NAPRT: variants seen among roughly 807,000 people sequenced by gnomAD.
The protein encoded by NAPRT is nicotinate phosphoribosyltransferase, also known as FHA-HIT-interacting protein.
A neutral mutation model predicts 60.7 loss-of-function variants in NAPRT; 66 were observed. That is an observed-to-expected ratio of 1.09 (90% confidence interval 0.89 to 1.33). NAPRT has a LOEUF of 1.33. NAPRT is among the 40% of genes most tolerant of loss of function. NAPRT has a pLI of 0.00. For missense variants in NAPRT, 818 were observed against 731.5 expected (o/e 1.12, Z -1.36); for synonymous variants, 405 against 335.7 (o/e 1.21, Z -2.26).
In NAPRT at chr8:143,577,048, G is replaced by C. The variant is rs769584888; in HGVS notation, c.684+14C>G. 2 of 1,610,708 alleles carry C rather than the reference G, an allele frequency of 1.2e-6. No individual in the cohort carries two copies. The highest frequency in any genetic ancestry group is 4.5e-5 in the East Asian group (2 of 44,856). ...TGTCGCCTGGAGACAGCAGGGTTTA[G>C]AGGAGGGACTGACCGGGTCAGGGGG... On this transcript the variant is annotated intron_variant, in intron 5 of 12. Transcript: ENST00000449291.
In NAPRT at chr8:143,576,291, G is replaced by A. The variant is rs111536910; in HGVS notation, c.1023-129C>T. The A allele has an allele frequency of 2.7e-3, 3,725 of 1,380,442 alleles. 81 individuals carry two copies. The African/African-American group carries it at 0.047, about 18-fold the overall frequency. The allele number at this position is 1,380,442 out of a possible 1,614,324, so 85.5% of individuals were successfully genotyped here. A position where few individuals can be genotyped will look rare whatever the true frequency, so the allele number is the denominator to read the frequency against. ...CTCACCTTCTGCTTGGGAGCTCCTA[G>A]GGAGCCCCACCACTTACTTCCCTGC... On this transcript the variant is annotated intron_variant, in intron 7 of 12. Transcript: ENST00000449291.
At chr8:143,572,987 T>C (rs1246461638), downstream of NAPRT, 2 of 456,516 alleles carry the variant, frequency 4.4e-6, no homozygotes, top group African/African-American at 2.0e-5. Flanking sequence ...CCCCAAGAGC[T>C]GGCAGATCCA....
chr8:143,574,889 G>C lies in NAPRT; in HGVS notation c.1566C>G (p.Ser522=). 6.4e-7 allele frequency: 1 copy of C among 1,550,634 alleles called. No homozygotes were observed. ...TGTTCACCAGGGCCTGCAGCCTCTC[G>C]GACAGCACCACCTGCAGGGAGCAGA... The part of the protein sequence containing the change: ...RSPAQYQVVL[S]ERLQALVNSL... The change falls in exon 13 of 13, where the codon TCC becomes TCG. Residue 522 remains serine (S), a synonymous_variant. Coordinates refer to ENST00000449291, the MANE Select transcript of NAPRT (RefSeq NM_145201.6).
downstream of NAPRT, chr8:143,574,721 C>T (rs1007476671): frequency 1.2e-5 from 15 of 1,280,036 alleles, no homozygotes; most frequent in Admixed American, 1.0e-4. Context: ...CCAGCCCAGC[C>T]GCAGCCCGGG....
chr8:143,575,613 T>C lies in NAPRT; in HGVS notation c.1188+9A>G. On this transcript the variant is annotated intron_variant, in intron 9 of 12. Transcript: ENST00000449291. Reference sequence around the variant, plus strand: ...CTGCCCCCACCTGGGCCCCCGACACTGTCCCTACCTTATAGACGCCACCCA... The same window carrying C: ...CTGCCCCCACCTGGGCCCCCGACACCGTCCCTACCTTATAGACGCCACCCA... 1 of 1,590,510 alleles carries C rather than the reference T, an allele frequency of 6.3e-7. No individual in the cohort carries two copies. The highest frequency in any genetic ancestry group is 1.1e-5 in the South Asian group (1 of 88,526).
At chr8:143,576,883 A>G in intron 5 of NAPRT, 41 bp from the exon 6 acceptor site, 1 of 1,561,306 alleles carries the variant, frequency 6.4e-7, no homozygotes, top group Non-Finnish European at 8.7e-7. Context: ...CCAGGAATGC[A>G]GGATGAGGCC....
Position 143,576,787 on chromosome 8 carries a change from TG to T in NAPRT, c.739del (p.Gln247ArgfsTer55). On this transcript the variant is annotated frameshift_variant, in exon 6 of 13. Transcript: ENST00000449291. LOFTEE classifies it high-confidence loss of function. ...GGCACACACCTGCTCCAGCCACACC[TG>T]GGCTTTGGCCGCCAGGTCCACCCCA... is the stretch of plus-strand genomic sequence containing the variant. ...GPGVDLAAKA[Q>X]VWLEQVCAHL... The T allele has an allele frequency of 6.2e-7, 1 of 1,608,252 alleles. No individual in the cohort carries two copies. The highest frequency in any genetic ancestry group is 8.5e-7 in the Non-Finnish European group (1 of 1,178,674).
At chr8:143,575,986 C>A in intron 8 of NAPRT, 92 bp downstream of exon 8, 2 of 1,040,980 alleles carry the variant, frequency 1.9e-6, no homozygotes, top group Admixed American at 3.0e-5. Context: ...GTGCCCTGGG[C>A]GGGGAAGGAG....
chr8:143,573,216 C>T (rs1290089151), downstream of NAPRT, among the ~76,000 whole-genome samples: 1 of 152,060 alleles, frequency 6.6e-6, no homozygotes, highest in African/African-American at 2.4e-5. Flanking sequence ...GCTCCGCCCC[C>T]TGCACGCTGG....
chr8:143,577,929 C>T lies in NAPRT; in HGVS notation c.241G>A (p.Ala81Thr). 1 of 1,610,354 alleles carries T rather than the reference C, an allele frequency of 6.2e-7. No homozygotes were observed. The highest frequency in any genetic ancestry group is 8.5e-7 in the Non-Finnish European group (1 of 1,178,382). Residue 81 changes from alanine to threonine, a missense_variant, in exon 2 of 13, where the codon GCC becomes ACC. Ala to Thr is a moderately conservative substitution (Grantham distance 58). Coordinates refer to ENST00000449291, the MANE Select transcript of NAPRT (RefSeq NM_145201.6). Reference protein sequence around the residue: ...RLRDADVQFLASVLPPDTDPA... With the variant: ...RLRDADVQFLTSVLPPDTDPA... ...TCCGTGTCTGGGGGCAGCACCGAGG[C>T]CAGGAACTGCACGTCTGGAAACGAG...
intron 1 of NAPRT, 23 bp downstream of exon 1, chr8:143,578,070 T>A: frequency 6.8e-7 from 1 of 1,478,034 alleles, no homozygotes; most frequent in Admixed American, 2.3e-5. Context: ...CGTGGGGGGC[T>A]CGTCGCGCGG....
At chr8:143,573,222 G>C (rs532712317), downstream of NAPRT, among the ~76,000 whole-genome samples, 1 of 152,114 alleles carries the variant, frequency 6.6e-6, no homozygotes, top group Non-Finnish European at 1.5e-5. Context: ...CCCCCTGCAC[G>C]CTGGCTCTGT....
In NAPRT at chr8:143,575,062, G is replaced by A. The variant is rs755796941; in HGVS notation, c.1478C>T (p.Ser493Phe). Reference protein sequence around the residue: ...LCEPLPSLAESRALAQLSLSR... With the variant: ...LCEPLPSLAEFRALAQLSLSR... ...CAGGGACAGCTGGGCCAAGGCTCTA[G>A]ACTCTGCCAGGGATGGGAGCGGCTC... The change falls in exon 12 of 13, where the codon TCT becomes TTT. Residue 493 changes from serine (S) to phenylalanine (F), a missense_variant. Coordinates refer to ENST00000449291, the MANE Select transcript of NAPRT (RefSeq NM_145201.6). 1.4e-5 allele frequency: 21 copies of A among 1,509,106 alleles called. No individual in the cohort carries two copies. The highest frequency in any genetic ancestry group is 1.9e-5 in the Non-Finnish European group (21 of 1,124,024). 93.5% of individuals were successfully genotyped at this position (1,509,106 alleles called of 1,614,324 possible).
At chr8:143,573,719 G>C (rs1006760811), downstream of NAPRT, 1 of 100,964 alleles carries the variant, frequency 9.9e-6, no homozygotes, top group African/African-American at 3.3e-5. Flanking sequence ...TGGGCCCCTC[G>C]GAGTGCGCGG....
chr8:143,577,203 G>A, intron 4 of NAPRT, 26 bp from the exon 5 acceptor site: 1 of 1,606,942 alleles, frequency 6.2e-7, no homozygotes. Context: ...GTGGGATTGG[G>A]GGACCTCGGG....
At chr8:143,576,930 G>T in intron 5 of NAPRT, 88 bp from the exon 6 acceptor site, 1 of 1,500,736 alleles carries the variant, frequency 6.7e-7, no homozygotes, top group Non-Finnish European at 9.1e-7. Flanking sequence ...TGAGAGCAAA[G>T]GTAATGCAGC....
In NAPRT at chr8:143,576,985, G is replaced by T; in HGVS notation, c.684+77C>A. 2.0e-6 allele frequency: 3 copies of T among 1,536,944 alleles called. No homozygotes were observed. In the Admixed American group the frequency reaches 5.2e-5, roughly 26 times the overall value. On this transcript the variant is annotated intron_variant, in intron 5 of 12. Transcript: ENST00000449291. Reference sequence around the variant, plus strand: ...CAGCACTGGGGTGACCTGCCTGGGTGGCACACCTCTCGCCAGGGCAAGGGC... The same window carrying T: ...CAGCACTGGGGTGACCTGCCTGGGTTGCACACCTCTCGCCAGGGCAAGGGC...
At chr8:143,574,218 C>T (rs990045632), downstream of NAPRT, among the ~76,000 whole-genome samples, 2 of 152,376 alleles carry the variant, frequency 1.3e-5, no homozygotes, top group South Asian at 2.1e-4. Context: ...GCTTCAACTT[C>T]TTCCCCATTC....
At position 143,574,889 on chromosome 8, in the gene NAPRT, G is replaced by A. The variant is rs368505387; in HGVS notation, c.1566C>T (p.Ser522=). ...RSPAQYQVVL[S]ERLQALVNSL... ...TGTTCACCAGGGCCTGCAGCCTCTC[G>A]GACAGCACCACCTGCAGGGAGCAGA... Residue 522 remains serine, a synonymous_variant, in exon 13 of 13, where the codon TCC becomes TCT. Transcript: ENST00000449291. 9 of 1,550,516 alleles carry A rather than the reference G, an allele frequency of 5.8e-6. No individual in the cohort carries two copies. The highest frequency in any genetic ancestry group is 7.0e-6 in the Non-Finnish European group (8 of 1,146,998).
Sources: allele counts gnomAD v4.1 joint callset (sites outside exome capture counted in the v4.1 genomes callset), GRCh38; gene constraint gnomAD v4.1.1; transcripts MANE v1.5; gene names NCBI Gene and HGNC (gene_info 2026-07-23, HGNC 2026-07-21).